The following NEBL variants were observed in gnomAD, a reference collection of about 807,000 sequenced individuals.
NEBL encodes the protein nebulette, also known as LIM and SH3 protein 2.
In NEBL, 122 loss-of-function variants were observed where a neutral mutation model predicts 140.2. The ratio of observed to expected loss-of-function variants is 0.87; its 90% CI spans 0.75 to 1.01. NEBL has a LOEUF of 1.01. Ranked by LOEUF, NEBL falls within the 50% of genes least tolerant of loss-of-function variation. The pLI is 0.00. For missense variants in NEBL, 1,365 were observed against 1,231.3 expected (o/e 1.11, Z -1.62); for synonymous variants, 436 against 398.9 (o/e 1.09, Z -1.11).
intron 20 of NEBL, chr10:20,819,138 T>G (rs1839022752): frequency 3.3e-6 from 3 of 909,210 alleles, no homozygotes; most frequent in East Asian, 9.2e-5. Flanking sequence ...TTATGGGAGT[T>G]TGTTGTACAG....
intron 2 of NEBL, among the ~76,000 whole-genome samples, chr10:21,096,087 C>A (rs1416679815): frequency 6.6e-6 from 1 of 152,202 alleles, no homozygotes; most frequent in East Asian, 1.9e-4. Context: ...TAAGCATGTC[C>A]ATTTATTTTC....
At chr10:21,165,488 C>T (rs1423153324) in intron 2 of NEBL, among the ~76,000 whole-genome samples, 1 of 152,226 alleles carries the variant, frequency 6.6e-6, no homozygotes, top group East Asian at 1.9e-4. Flanking sequence ...CCAAAAGAAA[C>T]TAGCCTGGGC....
chr10:21,195,088 A>C (rs1841627884), intron 3 of NEBL, among the ~76,000 whole-genome samples: 1 of 152,158 alleles, frequency 6.6e-6, no homozygotes, highest in Non-Finnish European at 1.5e-5. Context: ...ACATTTTAGA[A>C]TTTCACAAAT....
Position 20,835,524 on chromosome 10 carries a change from TCTCTGCA to T in NEBL, c.1431_1437del (p.Ala478Ter). The T allele has an allele frequency of 1.2e-6, 2 of 1,610,912 alleles. No individual in the cohort carries two copies. The highest frequency in any genetic ancestry group is 1.7e-6 in the Non-Finnish European group (2 of 1,178,556). On this transcript the variant is annotated frameshift_variant, in exon 14 of 28. Coordinates refer to ENST00000377122, the MANE Select transcript of NEBL (RefSeq NM_006393.3). LOFTEE classifies it high-confidence loss of function. ...CGCACCCTACTAACCTCACTCGCTA[TCTCTGCA>T]GCCTTCTTGGCATGCTGCATTTCAA...
intron 2 of NEBL, among the ~76,000 whole-genome samples, chr10:21,051,182 C>T (rs1834764901): frequency 6.6e-6 from 1 of 152,148 alleles, no homozygotes; most frequent in Non-Finnish European, 1.5e-5. Flanking sequence ...ACATCATACC[C>T]CTTACACAAG....
At chr10:21,218,442 G>A (rs935938035) in intron 3 of NEBL, among the ~76,000 whole-genome samples, 3 of 150,586 alleles carry the variant, frequency 2.0e-5, no homozygotes, top group Non-Finnish European at 4.4e-5. Context: ...TCTATGTGAT[G>A]GTGTGTCTTC....
chr10:21,124,282 G>T (rs1589258073), intron 2 of NEBL, among the ~76,000 whole-genome samples: 1 of 152,074 alleles, frequency 6.6e-6, no homozygotes, highest in East Asian at 1.9e-4. Context: ...TATAATTTAA[G>T]GCAACATCAC....
At chr10:21,071,734 T>A (rs1835825161) in intron 2 of NEBL, among the ~76,000 whole-genome samples, 1 of 152,204 alleles carries the variant, frequency 6.6e-6, no homozygotes, top group African/African-American at 2.4e-5. Context: ...TTTGGTGGCT[T>A]AAAACAACAG....
In NEBL at chr10:21,016,232, C is replaced by T. The variant is rs553281441; in HGVS notation, c.249+3885G>A. 1.2e-4 allele frequency among the ~76,000 whole-genome samples: 18 copies of T among 152,356 alleles called. No individual in the cohort carries two copies. The Middle Eastern group carries it at 0.01, about 86-fold the overall frequency. On this transcript the variant is annotated intron_variant, in intron 3 of 6. Transcript: ENST00000417816. ...AGTCCACATCTACTGCAGTCAGAGG[C>T]TGGCCAAGTGGATGTTCACCAGGTA...
Position 21,193,907 on chromosome 10 carries a change from T to C in NEBL, n.349-21430A>G, listed in dbSNP as rs559851488. Among the ~76,000 whole-genome samples the C allele has an allele frequency of 2.0e-5, 3 of 152,370 alleles. No individual in the cohort carries two copies. The South Asian group carries it at 6.2e-4, about 32-fold the overall frequency. On this transcript the variant is annotated intron_variant and non_coding_transcript_variant, in intron 3 of 8. Transcript: ENST00000675702. ...TTTTTAAATGTTGCAAATTCAAAGA[T>C]AAAATACTATCATGATATTTCTCCC... is the stretch of plus-strand genomic sequence containing the variant.
rs187966970 is a variant in NEBL, at chr10:21,292,973, A to G, written n.39T>C. Among the ~76,000 whole-genome samples, 137 of 152,324 alleles carry G rather than the reference A, an allele frequency of 9.0e-4. 1 individual carries two copies. In the South Asian group the frequency reaches 0.013, roughly 14 times the overall value. On this transcript the variant is annotated non_coding_transcript_exon_variant, in exon 1 of 9. Transcript: ENST00000675702. ...ATCATTTTTTAAACGACAGCCAAGC[A>G]TTAAAGAGCCCAGGCAGAGAGCAAG...
upstream of NEBL, chr10:20,899,442 T>C: frequency 7.7e-7 from 1 of 1,295,184 alleles, no homozygotes; most frequent in Non-Finnish European, 1.0e-6. Flanking sequence ...TTAGGGACTC[T>C]TCACTGTGCT....
chr10:21,251,499 G>C (rs1302505722), intron 2 of NEBL, among the ~76,000 whole-genome samples: 1 of 152,150 alleles, frequency 6.6e-6, no homozygotes, highest in East Asian at 1.9e-4. Context: ...AATTCCACCT[G>C]AAACCTGTGA....
chr10:21,184,787 G>T (rs750547317), intron 3 of NEBL, among the ~76,000 whole-genome samples: 1 of 152,046 alleles, frequency 6.6e-6, no homozygotes. Context: ...AAGCGAAAAA[G>T]GTTATAAAAA....
intron 3 of NEBL, among the ~76,000 whole-genome samples, chr10:21,193,380 C>G (rs372762623): frequency 1.1e-4 from 17 of 152,256 alleles, no homozygotes; most frequent in Admixed American, 3.9e-4. Flanking sequence ...GGTCGGAAAC[C>G]AGCAGGGGTG....
At chr10:20,870,650 C>T (rs1844829433) in intron 5 of NEBL, among the ~76,000 whole-genome samples, 1 of 152,138 alleles carries the variant, frequency 6.6e-6, no homozygotes, top group Admixed American at 6.6e-5. Context: ...TCTCTCCCTT[C>T]AAATGTTCAA....
At chr10:21,283,833 A>G (rs1843021982) in intron 1 of NEBL, among the ~76,000 whole-genome samples, 1 of 152,030 alleles carries the variant, frequency 6.6e-6, no homozygotes, top group Admixed American at 6.6e-5. Flanking sequence ...TTCAGGGCTT[A>G]GGTAGAGCAG....
chr10:20,820,031 T>C (rs937517728), intron 19 of NEBL, among the ~76,000 whole-genome samples: 4 of 152,218 alleles, frequency 2.6e-5, no homozygotes, highest in African/African-American at 9.6e-5. Context: ...ATTCATTTCT[T>C]CATAGCACTA....
chr10:21,247,085 A>G lies in NEBL; in HGVS notation n.348+836T>C, dbSNP rs567641791. On this transcript the variant is annotated intron_variant and non_coding_transcript_variant, in intron 3 of 8. Coordinates refer to the NEBL transcript ENST00000675702. ...CTCTCCCCTGTTCCACCATGTGAAG[A>G]TGTGCCTGCTTCCCCTTTGCCCTTC... is the stretch of plus-strand genomic sequence containing the variant. Among the ~76,000 whole-genome samples the G allele has an allele frequency of 2.6e-5, 4 of 152,134 alleles. No individual in the cohort carries two copies. In the East Asian group the frequency reaches 7.8e-4, roughly 29 times the overall value.
Sources: gnomAD v4.1 joint callset for allele counts (sites outside exome capture counted in the v4.1 genomes callset) on GRCh38, gnomAD v4.1.1 for gene constraint, MANE v1.5 for transcripts, NCBI Gene and HGNC (gene_info 2026-07-23, HGNC 2026-07-21) for gene names.